The following CDON variants were observed in gnomAD, a reference collection of about 807,000 sequenced individuals.
CDON encodes the protein cell adhesion molecule-related/down-regulated by oncogenes.
A neutral mutation model predicts 120.9 loss-of-function variants in CDON; 73 were observed. The observed-to-expected ratio is 0.60, with a 90% CI of 0.50 to 0.73. The LOEUF is 0.73. CDON is among the 30% of genes least tolerant of loss of function. The pLI is 0.00. For synonymous variants in CDON, 566 were observed against 573.5 expected (o/e 0.99, Z 0.19); for missense variants, 1,470 against 1,587.3 (o/e 0.93, Z 1.26).
Position 125,988,319 on chromosome 11 carries a change from T to C in CDON, c.2773+1318A>G, listed in dbSNP as rs137873766. Among the ~76,000 whole-genome samples, 16 of 152,278 alleles carry C rather than the reference T, an allele frequency of 1.1e-4. No individual in the cohort carries two copies. In the East Asian group the frequency reaches 2.7e-3, roughly 26 times the overall value. On this transcript the variant is annotated intron_variant, in intron 15 of 19. Transcript: ENST00000531738. ...AACTGTGGCGAGCTATCAGCAGTGCTAGTCTTAGAGCCAAGGTGGCAATGG... is the reference window on the plus strand; with the variant it reads ...AACTGTGGCGAGCTATCAGCAGTGCCAGTCTTAGAGCCAAGGTGGCAATGG...
rs919999783 is a variant in CDON at position 126,062,661 on chromosome 11, G to C, written c.-144C>G. ...CCACCCCCAGGTCATCCCCCCGCGC[G>C]CGCGCGGCGGCGGCTACGGTGGCGG... On this transcript the variant is annotated 5_prime_UTR_variant, in exon 1 of 20. Coordinates refer to ENST00000531738, the MANE Select transcript of CDON (RefSeq NM_001378964.1). The C allele has an allele frequency of 6.5e-6, 1 of 153,944 alleles. No individual in the cohort carries two copies. The highest frequency in any genetic ancestry group is 1.4e-5 in the Non-Finnish European group (1 of 69,950). 9.5% of individuals were successfully genotyped at this position (153,944 alleles called of 1,614,324 possible).
chr11:126,004,428 G>A, intron 9 of CDON: 1 of 290,764 alleles, frequency 3.4e-6, no homozygotes, highest in South Asian at 3.7e-5. Flanking sequence ...TAAAATAATA[G>A]GTATCATTGG....
chr11:125,980,601 G>A (rs906761010), intron 17 of CDON, among the ~76,000 whole-genome samples: 4 of 152,146 alleles, frequency 2.6e-5, no homozygotes, highest in South Asian at 2.1e-4. Flanking sequence ...GTGTCAAACC[G>A]CGGCTGCTTC....
At chr11:125,982,253 C>T (rs947418582) in intron 16 of CDON, among the ~76,000 whole-genome samples, 2 of 151,992 alleles carry the variant, frequency 1.3e-5, no homozygotes, top group Non-Finnish European at 2.9e-5. Flanking sequence ...TGATTACAGG[C>T]GTGAGCCACT....
At chr11:126,013,087 A>G (rs1021518765) in intron 7 of CDON, among the ~76,000 whole-genome samples, 67 of 152,260 alleles carry the variant, frequency 4.4e-4, no homozygotes, top group African/African-American at 1.6e-3. Flanking sequence ...ATTACGTCCA[A>G]TGTTTTTCCA....
chr11:126,005,713 A>G (rs772524011), intron 9 of CDON, 46 bp downstream of exon 9: 23 of 1,554,246 alleles, frequency 1.5e-5, no homozygotes, highest in Non-Finnish European at 2.0e-5. Flanking sequence ...TATACAAAGA[A>G]CGTTCAGGTG....
intron 1 of CDON, among the ~76,000 whole-genome samples, chr11:126,040,910 G>C (rs189415108): frequency 1.3e-5 from 2 of 149,706 alleles, no homozygotes; most frequent in Admixed American, 6.7e-5. Context: ...ACATGGGCAG[G>C]CTGGGCACAG....
chr11:126,043,650 G>C (rs746054637), intron 1 of CDON, among the ~76,000 whole-genome samples: 1 of 152,148 alleles, frequency 6.6e-6, no homozygotes, highest in Non-Finnish European at 1.5e-5. Context: ...ATAAAGACAG[G>C]GTGAGGTTTG....
chr11:126,052,637 A>C (rs1280187475), intron 1 of CDON, among the ~76,000 whole-genome samples: 1 of 152,210 alleles, frequency 6.6e-6, no homozygotes, highest in East Asian at 1.9e-4. Flanking sequence ...AGCCTGGCCA[A>C]CATGGCGAAA....
intron 18 of CDON, among the ~76,000 whole-genome samples, chr11:125,964,430 C>A (rs186626818): frequency 1.2e-3 from 183 of 152,204 alleles, no homozygotes; most frequent in African/African-American, 3.8e-3. Flanking sequence ...CATGTCAGTC[C>A]CAGAATGACT....
intron 6 of CDON, among the ~76,000 whole-genome samples, chr11:126,015,779 T>C (rs553194578): frequency 6.6e-5 from 10 of 152,316 alleles, no homozygotes; most frequent in Admixed American, 2.0e-4. Context: ...AATACACACA[T>C]ATATACAAAT....
Position 126,001,843 on chromosome 11 carries a change from TG to T in CDON, c.2033del (p.Thr678LysfsTer84). The T allele has an allele frequency of 6.3e-7, 1 of 1,596,894 alleles. No individual in the cohort carries two copies. The highest frequency in any genetic ancestry group is 8.6e-7 in the Non-Finnish European group (1 of 1,164,124). ...ATGCCTGGGTGTTTTTTGATGACGC[TG>T]TTTTTTCTAGAAAGGTAAATAAACA... Reference protein sequence around the residue: ...MLTFRTSKEKTASSKNTQASS... With the variant: ...MLTFRTSKEKXASSKNTQASS... On this transcript the variant is annotated frameshift_variant, in exon 11 of 20. Coordinates refer to ENST00000531738, the MANE Select transcript of CDON (RefSeq NM_001378964.1). LOFTEE classifies it high-confidence loss of function.
Position 125,964,607 on chromosome 11 carries a change from CA to C in CDON, c.3357-2610del, listed in dbSNP as rs11458667. Among the ~76,000 whole-genome samples, 681 of 126,610 alleles carry C rather than the reference CA, an allele frequency of 5.4e-3. 2 individuals carry two copies. Among genetic ancestry groups the C allele is most frequent in the Middle Eastern group, 0.012 (3 of 246 alleles). The allele number at this position is 126,610 out of a possible 152,430, so 83.1% of individuals were successfully genotyped here. On this transcript the variant is annotated intron_variant, in intron 18 of 19. Coordinates refer to ENST00000531738, the MANE Select transcript of CDON (RefSeq NM_001378964.1). ...TCCCAGTCTAGCAAAGGAGACAGAC[CA>C]AAAAAAAAAAAGGTTACAATATAAT... is the stretch of plus-strand genomic sequence containing the variant.
rs113302604 is a variant in CDON at position 125,972,792 on chromosome 11, C to T, written c.3356+5512G>A. ...GGCACAGAGCAGGTAAGAGTCCGTA[C>T]GGAAAAGGCCCCATGCAAGACTTCT... On this transcript the variant is annotated intron_variant, in intron 18 of 19. Transcript: ENST00000531738. Among the ~76,000 whole-genome samples the T allele has an allele frequency of 8.2e-3, 1,252 of 152,188 alleles. 11 individuals are homozygous for T. The highest frequency in any genetic ancestry group is 0.014 in the Non-Finnish European group (934 of 68,018).
chr11:125,996,945 G>A (rs2134541201), intron 12 of CDON, among the ~76,000 whole-genome samples: 1 of 152,218 alleles, frequency 6.6e-6, no homozygotes, highest in African/African-American at 2.4e-5. Context: ...AGGAGACCGA[G>A]GGCGGCAAAT....
In CDON at chr11:126,017,091, G is replaced by A. The variant is rs1486752391; in HGVS notation, c.925C>T (p.Leu309Phe). 1 of 1,613,464 alleles carries A rather than the reference G, an allele frequency of 6.2e-7. No homozygotes were observed. Among genetic ancestry groups the A allele is most frequent in the East Asian group, 2.2e-5 (1 of 44,870 alleles). The change falls in exon 6 of 20, where the codon CTT becomes TTT. Residue 309 changes from leucine (L) to phenylalanine (F), a missense_variant. Coordinates refer to ENST00000531738, the MANE Select transcript of CDON (RefSeq NM_001378964.1). ...VKYVTYMVNV[L>F]EHASISKGLQ... ...AAATTAAAAACTAACATCTTACCAA[G>A]TACATTAACCATGTAAGTCACATAT...
chr11:126,031,478 C>T (rs1947943604), intron 1 of CDON, among the ~76,000 whole-genome samples: 1 of 152,124 alleles, frequency 6.6e-6, no homozygotes, highest in South Asian at 2.1e-4. Flanking sequence ...TTATATAATA[C>T]CACAGTTTTT....
intron 11 of CDON, among the ~76,000 whole-genome samples, chr11:125,999,312 C>A (rs529966052): frequency 6.6e-6 from 1 of 152,144 alleles, no homozygotes; most frequent in Non-Finnish European, 1.5e-5. Context: ...GAAAATAATA[C>A]CTTCCATATC....
intron 1 of CDON, among the ~76,000 whole-genome samples, chr11:126,050,135 C>G (rs1948518289): frequency 6.8e-6 from 1 of 148,028 alleles, no homozygotes; most frequent in Non-Finnish European, 1.5e-5. Context: ...TTACCTTAGG[C>G]AAAATGCGCT....
Sources: allele counts gnomAD v4.1 joint callset (sites outside exome capture counted in the v4.1 genomes callset), GRCh38; gene constraint gnomAD v4.1.1; transcripts MANE v1.5; gene names NCBI Gene and HGNC (gene_info 2026-07-23, HGNC 2026-07-21).